Variants in MYLK observed in about 807,000 individuals in gnomAD.
The protein encoded by MYLK is myosin light chain kinase, also known as myosin light chain kinase, smooth muscle.
Under a neutral mutation model 203.4 loss-of-function variants are expected in MYLK, and 106 were observed. The ratio of observed to expected loss-of-function variants is 0.52; its 90% CI spans 0.45 to 0.61. The LOEUF (loss-of-function observed/expected upper bound fraction) is 0.61. Ranked by LOEUF, MYLK falls within the 20% of genes least tolerant of loss-of-function variation. MYLK has a pLI of 0.00. For missense variants in MYLK, 2,072 were observed against 2,442.3 expected (o/e 0.85, Z 3.20); for synonymous variants, 867 against 959.5 (o/e 0.90, Z 1.78).
At chr3:123,690,982 A>C (rs2060637598) in intron 19 of MYLK, among the ~76,000 whole-genome samples, 1 of 152,180 alleles carries the variant, frequency 6.6e-6, no homozygotes, top group African/African-American at 2.4e-5. Context: ...AAAAATCCCC[A>C]AGTGTATTCA....
At position 123,666,349 on chromosome 3, in the gene MYLK, G is replaced by A. The variant is rs1362341660; in HGVS notation, c.3704-3C>T. On this transcript the variant is annotated splice_polypyrimidine_tract_variant and splice_region_variant and intron_variant, in intron 21 of 33. Coordinates refer to ENST00000360304, the MANE Select transcript of MYLK (RefSeq NM_053025.4). ...CTGGATGATCTGAGGGGGCATTGCT[G>A]AGGGAGGACAGGGAGAAAGTGAGCG... 9.3e-6 allele frequency: 15 copies of A among 1,614,086 alleles called. No individual in the cohort carries two copies. The highest frequency in any genetic ancestry group is 1.3e-5 in the Non-Finnish European group (15 of 1,180,046).
intron 3 of MYLK, among the ~76,000 whole-genome samples, chr3:123,801,649 G>C (rs553123892): frequency 6.6e-6 from 1 of 152,198 alleles, no homozygotes; most frequent in South Asian, 2.1e-4. Context: ...CTCATGTTTA[G>C]CTTCCACTTA....
chr3:123,671,492 G>A lies in MYLK; in HGVS notation c.3653-4305C>T, dbSNP rs1576497116. Among the ~76,000 whole-genome samples the A allele has an allele frequency of 3.9e-5, 6 of 152,328 alleles. No homozygotes were observed. The South Asian group carries it at 8.3e-4, about 21-fold the overall frequency. On this transcript the variant is annotated intron_variant, in intron 20 of 33. Transcript: ENST00000360304. ...AGGAGGAGTGTCGCCACAAGCAAGGGTAGAGGACAGATGCTGGGAAGAGCA... is the reference window on the plus strand; with the variant it reads ...AGGAGGAGTGTCGCCACAAGCAAGGATAGAGGACAGATGCTGGGAAGAGCA...
intron 3 of MYLK, 130 bp from the exon 4 acceptor site, chr3:123,793,974 T>A: frequency 2.1e-6 from 2 of 949,056 alleles, no homozygotes; most frequent in South Asian, 1.4e-5. Context: ...TAGGTCAGTG[T>A]CCACCCACAG....
At chr3:123,782,937 C>G (rs2064356840) in intron 4 of MYLK, among the ~76,000 whole-genome samples, 1 of 152,170 alleles carries the variant, frequency 6.6e-6, no homozygotes, top group Non-Finnish European at 1.5e-5. Flanking sequence ...GATGGATTTT[C>G]TATGGTTGTG....
chr3:123,673,863 G>C (rs1284881329), intron 20 of MYLK, among the ~76,000 whole-genome samples: 1 of 152,152 alleles, frequency 6.6e-6, no homozygotes, highest in Non-Finnish European at 1.5e-5. Flanking sequence ...GGACAGGCAG[G>C]GAGGGCAGAG....
At chr3:123,787,943 C>T (rs2064603764) in intron 4 of MYLK, among the ~76,000 whole-genome samples, 1 of 152,196 alleles carries the variant, frequency 6.6e-6, no homozygotes, top group Admixed American at 6.5e-5. Flanking sequence ...GCAGGACCAT[C>T]ACCAAAATAC....
intron 11 of MYLK, among the ~76,000 whole-genome samples, chr3:123,726,361 C>T (rs2062286275): frequency 6.6e-6 from 1 of 152,186 alleles, no homozygotes; most frequent in South Asian, 2.1e-4. Context: ...TCCTCTGTGA[C>T]TCAGGTGCCT....
At chr3:123,857,226 G>C (rs2031477144) in intron 2 of MYLK, among the ~76,000 whole-genome samples, 1 of 152,170 alleles carries the variant, frequency 6.6e-6, no homozygotes, top group Non-Finnish European at 1.5e-5. Context: ...AACCATTGTG[G>C]AAGTCAGTGT....
intron 5 of MYLK, among the ~76,000 whole-genome samples, chr3:123,744,887 T>C (rs1253215707): frequency 6.6e-6 from 1 of 152,232 alleles, no homozygotes; most frequent in East Asian, 1.9e-4. Context: ...ATTAACTTAA[T>C]ACTATTTGCT....
At chr3:123,746,259 A>G (rs781119174) in intron 5 of MYLK, among the ~76,000 whole-genome samples, 1 of 152,176 alleles carries the variant, frequency 6.6e-6, no homozygotes. Context: ...CTGAGGCAGG[A>G]GGATTGCTTG....
At chr3:123,794,488 G>T (rs963761469) in intron 3 of MYLK, among the ~76,000 whole-genome samples, 13 of 152,310 alleles carry the variant, frequency 8.5e-5, no homozygotes, top group Middle Eastern at 3.4e-3. Context: ...TCAGAGAAGG[G>T]GGGTGTTTTC....
At chr3:123,831,755 C>T (rs1004170865) in intron 2 of MYLK, 85 bp from the exon 3 acceptor site, 1 of 205,048 alleles carries the variant, frequency 4.9e-6, no homozygotes, top group African/African-American at 2.3e-5. Context: ...AGGAGTACAT[C>T]ACTCTGGGAC....
chr3:123,771,617 G>T (rs2063886670), intron 4 of MYLK, among the ~76,000 whole-genome samples: 1 of 152,122 alleles, frequency 6.6e-6, no homozygotes, highest in Admixed American at 6.5e-5. Context: ...AAGCATTAAA[G>T]GCTATGCATA....
intron 2 of MYLK, among the ~76,000 whole-genome samples, chr3:123,847,374 ATT>A (rs2030150194): frequency 6.6e-6 from 1 of 152,124 alleles, no homozygotes; most frequent in African/African-American, 2.4e-5. Flanking sequence ...AAGTAAGAAC[ATT>A]TTAATCTTTA....
At chr3:123,676,438 G>A (rs2060074075) in intron 20 of MYLK, among the ~76,000 whole-genome samples, 1 of 152,140 alleles carries the variant, frequency 6.6e-6, no homozygotes, top group Non-Finnish European at 1.5e-5. Context: ...GACCTGAGGA[G>A]GAATGTTTAA....
intron 11 of MYLK, among the ~76,000 whole-genome samples, chr3:123,727,439 G>A (rs955887635): frequency 1.3e-5 from 2 of 152,220 alleles, no homozygotes; most frequent in African/African-American, 4.8e-5. Context: ...TACAAGGCAT[G>A]TGAACTTGGA....
At chr3:123,765,686 G>A (rs1560190137) in intron 4 of MYLK, among the ~76,000 whole-genome samples, 1 of 152,154 alleles carries the variant, frequency 6.6e-6, no homozygotes, top group Non-Finnish European at 1.5e-5. Flanking sequence ...TGTGTACAAT[G>A]GGATATTATT....
At chr3:123,669,953 T>C (rs887536630) in intron 20 of MYLK, among the ~76,000 whole-genome samples, 10 of 142,392 alleles carry the variant, frequency 7.0e-5, no homozygotes, top group African/African-American at 1.9e-4. Context: ...AAGAATTGCA[T>C]GAACCCAGGA....
Sources: gnomAD v4.1 joint callset for allele counts (sites outside exome capture counted in the v4.1 genomes callset) on GRCh38, gnomAD v4.1.1 for gene constraint, MANE v1.5 for transcripts, NCBI Gene and HGNC (gene_info 2026-07-23, HGNC 2026-07-21) for gene names.